The following AURKC variants were observed in gnomAD, a reference collection of about 807,000 sequenced individuals.
AURKC encodes the protein aurora kinase C.
AURKC carries 15 observed loss-of-function variants against 29.2 expected under a neutral mutation model. The ratio of observed to expected loss-of-function variants is 0.51; its 90% CI spans 0.34 to 0.79. The LOEUF is 0.79. Among genes scored for constraint, AURKC ranks in the 30% least tolerant of loss-of-function variants. The pLI is 0.01. For missense variants in AURKC, 332 were observed against 383.2 expected, an observed-to-expected ratio of 0.87 and a Z score of 1.12; for synonymous variants, 150 against 149.9, an observed-to-expected ratio of 1.00 and a Z score of -0.01.
chr19:57,232,311 T>C lies in AURKC; in HGVS notation c.296+87T>C, dbSNP rs1361290423. Reference sequence around the variant, plus strand: ...TACTAACCCCAAGTAAACCCTGCACTTGTACCTTGAAGACTTCTCTGCAGT... The same window carrying C: ...TACTAACCCCAAGTAAACCCTGCACCTGTACCTTGAAGACTTCTCTGCAGT... On this transcript the variant is annotated intron_variant, in intron 3 of 6. Coordinates refer to ENST00000302804, the MANE Select transcript of AURKC (RefSeq NM_001015878.2). This position sits in a 1 kb window ranked among gnomAD's most constrained non-coding sequence, Gnocchi z 4.5. The C allele has an allele frequency of 9.1e-6, 14 of 1,535,818 alleles. No homozygotes were observed. The highest frequency in any genetic ancestry group is 2.0e-4 in the Middle Eastern group (1 of 5,106).
chr19:57,232,691 G>C lies in AURKC; in HGVS notation c.435+11G>C, dbSNP rs193015358. 4 of 1,612,998 alleles carry C rather than the reference G, an allele frequency of 2.5e-6. No homozygotes were observed. In the Admixed American group the frequency reaches 6.7e-5, roughly 27 times the overall value. ...CAGCGCACAGCCACGGTGAGGTGCG[G>C]GTCTGGAGGCTCTGGGGTCTCTGAG... On this transcript the variant is annotated intron_variant, in intron 4 of 6. Coordinates refer to ENST00000302804, the MANE Select transcript of AURKC (RefSeq NM_001015878.2). The surrounding 1 kb of genome is among the most constrained non-coding windows in gnomAD (Gnocchi z 4.5).
At chr19:57,231,670 C>T in intron 1 of AURKC, 72 bp from the exon 2 acceptor site, 1 of 1,561,370 alleles carries the variant, frequency 6.4e-7, no homozygotes, top group Non-Finnish European at 8.8e-7. Flanking sequence ...CTGTTCTCCT[C>T]TCCTCTCTTT....
In AURKC at chr19:57,234,988, A is replaced by G. The variant is rs761881153; in HGVS notation, c.689A>G (p.Tyr230Cys). ...TTGTGGTGCATTGGAGTGCTCTGCT[A>G]TGAGCTGCTGGTGGGATATCCACCC... ...VDLWCIGVLC[Y>C]ELLVGYPPFE... Residue 230 changes from tyrosine to cysteine, a missense_variant, in exon 6 of 7, where the codon TAT becomes TGT. Transcript: ENST00000302804. The G allele has an allele frequency of 2.5e-6, 4 of 1,614,076 alleles. No individual in the cohort carries two copies. Among genetic ancestry groups the G allele is most frequent in the Non-Finnish European group, 3.4e-6 (4 of 1,180,040 alleles).
chr19:57,232,662 T>C lies in AURKC; in HGVS notation c.417T>C (p.Asp139=), dbSNP rs1487404426. ...AGCTGCAGAAAAGCGAGAAATTAGA[T>C]GAACAGCGCACAGCCACGGTGAGGT... ...YKELQKSEKL[D]EQRTATIIEE... is the part of the protein sequence containing the mutation. The change falls in exon 4 of 7, where the codon GAT becomes GAC. Residue 139 remains aspartate, a synonymous_variant. Transcript: ENST00000302804. This position sits in a 1 kb window ranked among gnomAD's most constrained non-coding sequence, Gnocchi z 4.5. 6.2e-7 allele frequency: 1 copy of C among 1,613,862 alleles called. No individual in the cohort carries two copies. The highest frequency in any genetic ancestry group is 1.7e-5 in the Admixed American group (1 of 60,008).
Position 57,234,885 on chromosome 19 carries a change from AGG to A in AURKC, c.587_588del (p.Arg196LysfsTer16), listed in dbSNP as rs1400412239. The A allele has an allele frequency of 6.2e-7, 1 of 1,614,144 alleles. No individual in the cohort carries two copies. The highest frequency in any genetic ancestry group is 8.5e-7 in the Non-Finnish European group (1 of 1,180,030). ...GWSVHTPSLR[R>X]KTMCGTLDYL... ...ATTCCCTTTTCTGCCTTCCTCTAGGAGGAAGACAATGTGTGGGACACTGGACT... is the reference window on the plus strand; with the variant it reads ...ATTCCCTTTTCTGCCTTCCTCTAGGAAAGACAATGTGTGGGACACTGGACT... On this transcript the variant is annotated frameshift_variant and splice_region_variant, in exon 6 of 7. Transcript: ENST00000302804. LOFTEE classifies it high-confidence loss of function.
In AURKC at chr19:57,231,079, C is replaced by A. The variant is rs760043246; in HGVS notation, c.-170C>A. ...GCGCAGCCACGGCTGCTCACGACGC[C>A]GCGGATCCCGAAGCCTGTGTAGCAG... is the stretch of plus-strand genomic sequence containing the variant. On this transcript the variant is annotated 5_prime_UTR_variant, in exon 1 of 7. Transcript: ENST00000302804. 2 of 1,482,748 alleles carry A rather than the reference C, an allele frequency of 1.3e-6. No homozygotes were observed. The highest frequency in any genetic ancestry group is 2.4e-5 in the South Asian group (2 of 82,670). 91.8% of individuals were successfully genotyped at this position (1,482,748 alleles called of 1,614,324 possible).
chr19:57,231,041 A>C lies in AURKC; in HGVS notation c.-208A>C. ...CCTCTCTGAGCGGTTGGTGCCGGGT[A>C]TAAAAGAAGGCCGCGCAGCCACGGC... On this transcript the variant is annotated 5_prime_UTR_variant, in exon 1 of 7. Coordinates refer to ENST00000302804, the MANE Select transcript of AURKC (RefSeq NM_001015878.2). 2 of 1,201,320 alleles carry C rather than the reference A, an allele frequency of 1.7e-6. No individual in the cohort carries two copies. Among genetic ancestry groups the C allele is most frequent in the Non-Finnish European group, 2.4e-6 (2 of 826,778 alleles). 74.4% of individuals were successfully genotyped at this position (1,201,320 alleles called of 1,614,324 possible).
At chr19:57,233,709 T>G in intron 5 of AURKC, 101 bp downstream of exon 5, 1 of 1,524,998 alleles carries the variant, frequency 6.6e-7, no homozygotes, top group South Asian at 1.1e-5. Context: ...AGATACGAAC[T>G]TGGGGTTTCT....
In AURKC at chr19:57,235,328, A is replaced by G; in HGVS notation, c.841A>G (p.Arg281Gly). The change falls in exon 7 of 7, where the codon AGA becomes GGA. Residue 281 changes from arginine to glycine, a missense_variant. Physicochemically the swap from Arg to Gly is moderately radical, Grantham distance 125. Transcript: ENST00000302804. ...GCTTCTCAGATACCAGCCCTTGGAG[A>G]GACTGCCCCTGGCCCAGATCCTGAA... The part of the protein sequence containing the change: ...SRLLRYQPLE[R>G]LPLAQILKHP... 6.2e-7 allele frequency: 1 copy of G among 1,613,936 alleles called. No individual in the cohort carries two copies. Among genetic ancestry groups the G allele is most frequent in the Non-Finnish European group, 8.5e-7 (1 of 1,179,992 alleles).
rs2087513343 is a variant in AURKC at position 57,233,404 on chromosome 19, C to T, written c.436-56C>T. ...ACAATTCATGGTAAGTGTTCCACCT[C>T]AGACGGAAATTGTGGCAGGCTTCAC... On this transcript the variant is annotated intron_variant, in intron 4 of 6. Transcript: ENST00000302804. 2.5e-5 allele frequency: 41 copies of T among 1,612,826 alleles called. 1 individual carries two copies. The South Asian group carries it at 4.2e-4, about 16-fold the overall frequency.
rs936825828 is a variant in AURKC at position 57,235,316 on chromosome 19, C to G, written c.829C>G (p.Gln277Glu). The G allele has an allele frequency of 6.2e-7, 1 of 1,614,108 alleles. No individual in the cohort carries two copies. The highest frequency in any genetic ancestry group is 1.7e-5 in the Admixed American group (1 of 60,014). The change falls in exon 7 of 7, where the codon CAG (glutamine) becomes GAG (glutamate). Residue 277 changes from glutamine (Q) to glutamate (E), a missense_variant. Coordinates refer to ENST00000302804, the MANE Select transcript of AURKC (RefSeq NM_001015878.2). Reference sequence around the variant, plus strand: ...CTTGATTTCCAGGCTTCTCAGATACCAGCCCTTGGAGAGACTGCCCCTGGC... The same window carrying G: ...CTTGATTTCCAGGCTTCTCAGATACGAGCCCTTGGAGAGACTGCCCCTGGC... The part of the protein sequence containing the change: ...RDLISRLLRY[Q>E]PLERLPLAQI...
Position 57,232,361 on chromosome 19 carries a change from C to A in AURKC, c.296+137C>A. 1 of 1,394,788 alleles carries A rather than the reference C, an allele frequency of 7.2e-7. No homozygotes were observed. The highest frequency in any genetic ancestry group is 1.0e-6 in the Non-Finnish European group (1 of 1,002,984). The allele number at this position is 1,394,788 out of a possible 1,614,324, so 86.4% of individuals were successfully genotyped here. A position where few individuals can be genotyped will look rare whatever the true frequency, so the allele number is the denominator to read the frequency against. ...TTCATTCCATTTACACTACCTCCTA[C>A]CCTGGGTCAGACACTCGAATCCTGG... On this transcript the variant is annotated intron_variant, in intron 3 of 6. Transcript: ENST00000302804. The surrounding 1 kb of genome is among the most constrained non-coding windows in gnomAD (Gnocchi z 4.5).
Position 57,235,022 on chromosome 19 carries a change from C to G in AURKC, c.723C>G (p.Ser241Arg). 1 of 1,614,108 alleles carries G rather than the reference C, an allele frequency of 6.2e-7. No individual in the cohort carries two copies. The highest frequency in any genetic ancestry group is 8.5e-7 in the Non-Finnish European group (1 of 1,180,036). The change falls in exon 6 of 7, where the codon AGC becomes AGG. Residue 241 changes from serine (S) to arginine (R), a missense_variant. Coordinates refer to ENST00000302804, the MANE Select transcript of AURKC (RefSeq NM_001015878.2). The part of the protein sequence containing the change: ...ELLVGYPPFE[S>R]ASHSETYRRI... ...TGGTGGGATATCCACCCTTTGAGAG[C>G]GCCTCCCACAGTGAGACTTACAGAC...
At position 57,233,597 on chromosome 19, in the gene AURKC, C is replaced by T; in HGVS notation, c.573C>T (p.Thr191=). 1.2e-6 allele frequency: 2 copies of T among 1,613,752 alleles called. No homozygotes were observed. The highest frequency in any genetic ancestry group is 1.7e-6 in the Non-Finnish European group (2 of 1,180,004). Residue 191 remains threonine, a synonymous_variant, in exon 5 of 7, where the codon ACC becomes ACT. Coordinates refer to ENST00000302804, the MANE Select transcript of AURKC (RefSeq NM_001015878.2). The stretch of plus-strand genomic sequence containing the variant: ...CAGATTTTGGCTGGTCTGTGCACAC[C>T]CCCTCCCTGAGGTAGGTCAGGTGGT... ...KIADFGWSVH[T]PSLRRKTMCG...
intron 1 of AURKC, 189 bp downstream of exon 1, chr19:57,231,495 C>T: frequency 2.6e-6 from 2 of 768,082 alleles, no homozygotes; most frequent in Non-Finnish European, 4.3e-6. Context: ...CTCTCCTCCC[C>T]TTCCTTTCTC....
chr19:57,234,523 G>T (rs1282947645), intron 5 of AURKC, among the ~76,000 whole-genome samples: 1 of 152,124 alleles, frequency 6.6e-6, no homozygotes, highest in African/African-American at 2.4e-5. Flanking sequence ...GCATTTTTCT[G>T]TATGAATGAT....
At chr19:57,233,155 C>CG (rs972218462) in intron 4 of AURKC, among the ~76,000 whole-genome samples, 4 of 152,122 alleles carry the variant, frequency 2.6e-5, no homozygotes, top group Non-Finnish European at 5.9e-5. Flanking sequence ...TTCACTTCCT[C>CG]GGGCCTCAAG....
Position 57,231,581 on chromosome 19 carries a change from C to G in AURKC, c.59-161C>G, listed in dbSNP as rs1467472323. ...CTTCTTCCCCTTACCTCTCCCTCCC[C>G]CTCTCCCTGCCTTCCCCTTCCCTCT... On this transcript the variant is annotated intron_variant, in intron 1 of 6. Transcript: ENST00000302804. The G allele has an allele frequency of 1.1e-5, 9 of 820,960 alleles. No individual in the cohort carries two copies. In the East Asian group the frequency reaches 2.1e-4, roughly 19 times the overall value. The allele number at this position is 820,960 out of a possible 1,614,324, so 50.9% of individuals were successfully genotyped here.
At chr19:57,231,951 G>A in intron 2 of AURKC, 82 bp from the exon 3 acceptor site, 4 of 1,603,006 alleles carry the variant, frequency 2.5e-6, no homozygotes, top group Non-Finnish European at 3.4e-6. Flanking sequence ...AATGAAAGAG[G>A]AAGGGGAGCA....
Sources: gnomAD v4.1 joint callset for allele counts (sites outside exome capture counted in the v4.1 genomes callset) on GRCh38, gnomAD v4.1.1 for gene constraint, Gnocchi (gnomAD v3.1) non-coding constraint, MANE v1.5 for transcripts, NCBI Gene and HGNC (gene_info 2026-07-23, HGNC 2026-07-21) for gene names.